Variants in RANBP2 observed in about 807,000 individuals in gnomAD.
The protein encoded by RANBP2 is RAN binding protein 2.
Under a neutral mutation model 303.6 loss-of-function variants are expected in RANBP2, and 57 were observed. That is an observed-to-expected ratio of 0.19 (90% CI 0.15 to 0.23). The LOEUF is 0.23. Ranked by LOEUF, RANBP2 falls within the 10% of genes least tolerant of loss-of-function variation. The pLI is 1.00. For synonymous variants in RANBP2, 1,167 were observed against 1,301.5 expected, an observed-to-expected ratio of 0.90 and a Z score of 2.23; for missense variants, 3,138 against 3,780.8, an observed-to-expected ratio of 0.83 and a Z score of 4.46.
chr2:109,666,037 G>A, the RANBP2 span, among the ~76,000 whole-genome samples: 1 of 151,766 alleles, frequency 6.6e-6, no homozygotes, highest in Admixed American at 6.6e-5. Flanking sequence ...CTTGAACCTG[G>A]GAAGCGGAGG....
chr2:109,381,763 C>T, the RANBP2 span, among the ~76,000 whole-genome samples: 3 of 151,986 alleles, frequency 2.0e-5, no homozygotes, highest in African/African-American at 7.2e-5. Flanking sequence ...AAGGTGCTCT[C>T]GCTTCGCAGA....
At chr2:109,758,400 T>C in the RANBP2 span, among the ~76,000 whole-genome samples, 1 of 115,850 alleles carries the variant, frequency 8.6e-6, no homozygotes, top group African/African-American at 3.5e-5. Flanking sequence ...AGAGCAGGAT[T>C]CCATCTCAAA....
At chr2:109,512,951 T>C in the RANBP2 span, among the ~76,000 whole-genome samples, 6 of 152,220 alleles carry the variant, frequency 3.9e-5, no homozygotes, top group Admixed American at 3.3e-4. Flanking sequence ...TGGCAGCCTC[T>C]TTCTGTCCTG....
At chr2:108,739,982 C>T (rs1695942412) in intron 6 of RANBP2, among the ~76,000 whole-genome samples, 3 of 148,826 alleles carry the variant, frequency 2.0e-5, no homozygotes, top group South Asian at 2.1e-4. Flanking sequence ...TGAGAGACTC[C>T]GTCTCAAAAA....
chr2:109,171,257 G>GTT, the RANBP2 span, among the ~76,000 whole-genome samples: 8 of 152,134 alleles, frequency 5.3e-5, no homozygotes, highest in Non-Finnish European at 5.9e-5. Flanking sequence ...GTATTTGGTT[G>GTT]TTTTGGTTAT....
the RANBP2 span, among the ~76,000 whole-genome samples, chr2:108,898,446 C>T: frequency 5.8e-4 from 89 of 152,272 alleles, no homozygotes; most frequent in African/African-American, 2.0e-3. Context: ...CCCTCATTCT[C>T]CTGCCACAGA....
At chr2:109,485,905 A>G in the RANBP2 span, among the ~76,000 whole-genome samples, 1 of 152,206 alleles carries the variant, frequency 6.6e-6, no homozygotes, top group African/African-American at 2.4e-5. Flanking sequence ...CTGGCCCTTG[A>G]TCTCCTACAC....
the RANBP2 span, among the ~76,000 whole-genome samples, chr2:109,188,112 G>A: frequency 6.6e-6 from 1 of 152,236 alleles, no homozygotes; most frequent in Non-Finnish European, 1.5e-5. Flanking sequence ...CGGTGCTCTC[G>A]GACATCTAAT....
the RANBP2 span, among the ~76,000 whole-genome samples, chr2:109,159,361 G>A: frequency 1.3e-5 from 2 of 152,246 alleles, no homozygotes; most frequent in African/African-American, 4.8e-5. Flanking sequence ...GCCCCAGGGC[G>A]AGGGTGTATG....
the RANBP2 span, among the ~76,000 whole-genome samples, chr2:109,743,478 G>C: frequency 1.4e-5 from 2 of 145,998 alleles, no homozygotes; most frequent in Non-Finnish European, 3.0e-5. Flanking sequence ...GTTGGACTTT[G>C]CTAAAAATAA....
chr2:109,125,193 A>G, the RANBP2 span, among the ~76,000 whole-genome samples: 1 of 149,526 alleles, frequency 6.7e-6, no homozygotes, highest in Non-Finnish European at 1.5e-5. Context: ...TAGCTGCTGA[A>G]CTCTCGGTGC....
At chr2:109,367,693 T>C in the RANBP2 span, among the ~76,000 whole-genome samples, 1 of 152,276 alleles carries the variant, frequency 6.6e-6, no homozygotes, top group Non-Finnish European at 1.5e-5. Context: ...GTAATTTATT[T>C]AACCAGTCCC....
chr2:109,376,205 G>T, the RANBP2 span, among the ~76,000 whole-genome samples: 6 of 152,378 alleles, frequency 3.9e-5, no homozygotes, highest in East Asian at 5.8e-4. Context: ...CATTTGGCCT[G>T]GTTAGCTGAA....
chr2:109,030,595 G>A, the RANBP2 span, among the ~76,000 whole-genome samples: 2 of 152,188 alleles, frequency 1.3e-5, no homozygotes, highest in Non-Finnish European at 2.9e-5. Flanking sequence ...CTTTGAGGAT[G>A]ACCAGCAGGC....
At chr2:108,788,249 T>G (rs1679255953), downstream of RANBP2, among the ~76,000 whole-genome samples, 1 of 150,800 alleles carries the variant, frequency 6.6e-6, no homozygotes, top group East Asian at 2.0e-4. Flanking sequence ...TGAAATCCCG[T>G]CTCTACTAAA....
the RANBP2 span, chr2:108,940,129 C>T: frequency 6.6e-6 from 1 of 152,246 alleles, no homozygotes; most frequent in East Asian, 1.9e-4. Context: ...TTATTGGCAC[C>T]AGGATCAATA....
the RANBP2 span, chr2:109,593,077 A>G: frequency 6.2e-7 from 1 of 1,601,918 alleles, no homozygotes; most frequent in African/African-American, 1.3e-5. Context: ...GATCCTTGTG[A>G]AGACATACAA....
chr2:108,788,893 T>A, downstream of RANBP2: 1 of 1,614,054 alleles, frequency 6.2e-7, no homozygotes, highest in Admixed American at 1.7e-5. Context: ...TGGTTCATCG[T>A]TAAAATATTC....
the RANBP2 span, among the ~76,000 whole-genome samples, chr2:109,611,931 C>A: frequency 6.6e-6 from 1 of 152,098 alleles, no homozygotes; most frequent in Non-Finnish European, 1.5e-5. Flanking sequence ...CAGTTTCTTA[C>A]AAAACTAAGC....
Sources: allele counts gnomAD v4.1 joint callset (sites outside exome capture counted in the v4.1 genomes callset), GRCh38; gene constraint gnomAD v4.1.1; transcripts MANE v1.5; gene names NCBI Gene and HGNC (gene_info 2026-07-23, HGNC 2026-07-21).